ANK2: variants seen among roughly 807,000 people sequenced by gnomAD.
ANK2 encodes ankyrin 2.
ANK2 carries 83 observed loss-of-function variants against 360.5 expected under a neutral mutation model. The observed-to-expected ratio is 0.23, with a 90% CI of 0.19 to 0.28. The LOEUF (loss-of-function observed/expected upper bound fraction) is 0.28, where lower values mean the gene tolerates loss of function less well. Ranked by LOEUF, ANK2 falls within the 10% of genes least tolerant of loss-of-function variation. The pLI is 1.00. For missense variants in ANK2, 4,201 were observed against 4,795.7 expected (o/e 0.88, Z 3.66); for synonymous variants, 1,740 against 1,759.5 (o/e 0.99, Z 0.28).
At chr4:113,278,198 T>C (rs1187309280) in intron 16 of ANK2, among the ~76,000 whole-genome samples, 2 of 152,230 alleles carry the variant, frequency 1.3e-5, no homozygotes, top group Non-Finnish European at 2.9e-5. Flanking sequence ...AATGTTAATG[T>C]AGTATTTCTT....
chr4:113,338,411 A>G (rs1269920490), intron 31 of ANK2, among the ~76,000 whole-genome samples: 1 of 152,024 alleles, frequency 6.6e-6, no homozygotes, highest in African/African-American at 2.4e-5. Context: ...TTTACCTTGC[A>G]ATATTTATTG....
chr4:113,123,834 C>A (rs1486553144), intron 1 of ANK2, among the ~76,000 whole-genome samples: 1 of 152,154 alleles, frequency 6.6e-6, no homozygotes, highest in African/African-American at 2.4e-5. Context: ...CTTGAAATTT[C>A]AAGCGATCGT....
intron 2 of ANK2, among the ~76,000 whole-genome samples, chr4:112,997,840 TATATATATACACACACAC>T (rs973547746): frequency 7.3e-5 from 11 of 150,654 alleles, no homozygotes; most frequent in African/African-American, 2.4e-4. Context: ...ACAAATGACA[TATATATATACACACACAC>T]ATATATATAC....
chr4:113,199,370 A>AT (rs1050448565), intron 4 of ANK2, among the ~76,000 whole-genome samples: 8 of 152,114 alleles, frequency 5.3e-5, no homozygotes, highest in Non-Finnish European at 8.8e-5. Context: ...ATATAAAGTG[A>AT]TTTTTTTCAG....
intron 22 of ANK2, among the ~76,000 whole-genome samples, chr4:113,296,045 T>C (rs983379701): frequency 3.3e-5 from 5 of 151,972 alleles, no homozygotes; most frequent in African/African-American, 1.2e-4. Context: ...CAGTAATATT[T>C]AAGTTTAAAA....
intron 1 of ANK2, among the ~76,000 whole-genome samples, chr4:113,135,354 C>T (rs1383470991): frequency 4.0e-5 from 6 of 151,542 alleles, no homozygotes; most frequent in African/African-American, 9.8e-5. Flanking sequence ...TTAGATATCA[C>T]GGTCAGGCAG....
intron 4 of ANK2, among the ~76,000 whole-genome samples, chr4:113,206,303 C>T (rs1480139352): frequency 6.6e-6 from 1 of 152,156 alleles, no homozygotes; most frequent in Non-Finnish European, 1.5e-5. Context: ...TCCATGCATT[C>T]TCATTATTCA....
intron 2 of ANK2, among the ~76,000 whole-genome samples, chr4:113,010,043 G>A (rs535793230): frequency 2.0e-4 from 31 of 152,058 alleles, no homozygotes; most frequent in African/African-American, 7.2e-4. Flanking sequence ...CATGGCAAAA[G>A]GTGAAAAAAT....
chr4:113,157,362 A>G (rs569457942), intron 1 of ANK2, among the ~76,000 whole-genome samples: 1 of 152,326 alleles, frequency 6.6e-6, no homozygotes, highest in South Asian at 2.1e-4. Context: ...CAGAGGGACA[A>G]ATGTTGTCTT....
chr4:112,973,041 G>C (rs1160759079), intron 2 of ANK2, among the ~76,000 whole-genome samples: 1 of 152,064 alleles, frequency 6.6e-6, no homozygotes, highest in Non-Finnish European at 1.5e-5. Context: ...AGGGGAGCGA[G>C]GGATAAAAGA....
intron 1 of ANK2, among the ~76,000 whole-genome samples, chr4:113,061,416 CCTTT>C (rs1561791236): frequency 6.6e-6 from 1 of 152,026 alleles, no homozygotes; most frequent in African/African-American, 2.4e-5. Context: ...TTTTTGGTAA[CCTTT>C]ATTTATAGTT....
intron 10 of ANK2, among the ~76,000 whole-genome samples, chr4:113,250,640 C>T (rs1157020653): frequency 6.6e-6 from 1 of 151,846 alleles, no homozygotes; most frequent in African/African-American, 2.4e-5. Flanking sequence ...TGGAGATACT[C>T]ATACAGAGCT....
intron 1 of ANK2, among the ~76,000 whole-genome samples, chr4:113,165,399 C>T (rs1247128636): frequency 1.3e-5 from 2 of 152,062 alleles, no homozygotes; most frequent in Non-Finnish European, 2.9e-5. Context: ...TACAGATTTC[C>T]ATGTTACTTT....
chr4:113,295,839 T>G (rs2071087646), intron 22 of ANK2, among the ~76,000 whole-genome samples: 1 of 152,156 alleles, frequency 6.6e-6, no homozygotes, highest in Non-Finnish European at 1.5e-5. Flanking sequence ...CTCTTTGAAC[T>G]GGTTTCTCTT....
In ANK2 at chr4:112,936,690, G is replaced by A. The variant is rs778618041; in HGVS notation, c.21+32176G>A. Among the ~76,000 whole-genome samples the A allele has an allele frequency of 6.9e-4, 105 of 152,014 alleles. 1 individual carries two copies. Among genetic ancestry groups the A allele is most frequent in the Non-Finnish European group, 2.2e-4 (15 of 67,984 alleles). ...CGTTTTAGTCTTGCAAACTTATGAG[G>A]TACTATTACTATTCCTATTTCACCA... On this transcript the variant is annotated intron_variant, in intron 2 of 30. Transcript: ENST00000503271.
intron 1 of ANK2, among the ~76,000 whole-genome samples, chr4:112,850,325 T>TCATCTGTC (rs1420528436): frequency 3.8e-5 from 3 of 78,748 alleles, no homozygotes; most frequent in Non-Finnish European, 7.5e-5. Flanking sequence ...ATCCATCCAT[T>TCATCTGTC]CATCTGTCCA....
chr4:112,736,165 T>G, the ANK2 span, among the ~76,000 whole-genome samples: 1 of 152,056 alleles, frequency 6.6e-6, no homozygotes, highest in South Asian at 2.1e-4. Context: ...AAATTTAAAT[T>G]AAAAAACAGA....
chr4:113,000,232 G>A (rs2050132506), intron 2 of ANK2, among the ~76,000 whole-genome samples: 1 of 152,196 alleles, frequency 6.6e-6, no homozygotes, highest in Non-Finnish European at 1.5e-5. Context: ...GTATGTTTAT[G>A]CAGACTCATC....
intron 2 of ANK2, among the ~76,000 whole-genome samples, chr4:112,945,014 C>T (rs944170742): frequency 1.2e-4 from 18 of 152,322 alleles, no homozygotes; most frequent in South Asian, 2.1e-4. Context: ...GAATGGGCTA[C>T]GTTGTGCTGT....
Sources: gnomAD v4.1 joint callset for allele counts (sites outside exome capture counted in the v4.1 genomes callset) on GRCh38, gnomAD v4.1.1 for gene constraint, MANE v1.5 for transcripts, NCBI Gene and HGNC (gene_info 2026-07-23, HGNC 2026-07-21) for gene names.